Variants in ADGB observed in about 807,000 individuals in gnomAD.
ADGB encodes androglobin.
ADGB carries 172 observed loss-of-function variants against 210.5 expected under a neutral mutation model. The ratio of observed to expected loss-of-function variants is 0.82; its 90% CI spans 0.72 to 0.93. The LOEUF (loss-of-function observed/expected upper bound fraction) is 0.93. Ranked by LOEUF, ADGB falls within the 40% of genes least tolerant of loss-of-function variation. ADGB has a pLI of 0.00. For synonymous variants in ADGB, 658 were observed against 662.7 expected, an observed-to-expected ratio of 0.99 and a Z score of 0.11; for missense variants, 2,025 against 1,964.8, an observed-to-expected ratio of 1.03 and a Z score of -0.58.
At chr6:146,689,914 AT>A (rs1776278567) in intron 10 of ADGB, among the ~76,000 whole-genome samples, 1 of 152,108 alleles carries the variant, frequency 6.6e-6, no homozygotes, top group Admixed American at 6.6e-5. Context: ...GTTTTCTGAA[AT>A]TTTTTAGTTA....
At position 146,644,861 on chromosome 6, in the gene ADGB, G is replaced by T; in HGVS notation, c.326G>T (p.Ser109Ile). Residue 109 changes from serine to isoleucine, a missense_variant, in exon 3 of 36, where the codon AGT becomes ATT. Physicochemically the swap from Ser to Ile is moderately radical, Grantham distance 142. Transcript: ENST00000397944. The part of the protein sequence containing the change: ...SWKRPQDILF[S>I]QTPVVVKNEI... ...AAACGTCCACAAGATATTTTATTTA[G>T]TCAGGTAAGAAAGTTTTTTCTATTA... 1 of 1,470,776 alleles carries T rather than the reference G, an allele frequency of 6.8e-7. No individual in the cohort carries two copies. The highest frequency in any genetic ancestry group is 9.0e-7 in the Non-Finnish European group (1 of 1,108,382). The allele number at this position is 1,470,776 out of a possible 1,614,324, so 91.1% of individuals were successfully genotyped here. A position where few individuals can be genotyped will look rare whatever the true frequency, so the allele number is the denominator to read the frequency against.
chr6:146,635,570 T>C (rs1775406267), intron 2 of ADGB, 33 bp downstream of exon 2: 2 of 1,465,348 alleles, frequency 1.4e-6, no homozygotes, highest in Non-Finnish European at 1.8e-6. Context: ...AGGTTTCATT[T>C]TGGTTTTTAA....
At chr6:146,807,992 G>GTTTTTTTTTTT (rs369961809) in intron 35 of ADGB, among the ~76,000 whole-genome samples, 2 of 103,160 alleles carry the variant, frequency 1.9e-5, no homozygotes, top group Non-Finnish European at 3.6e-5. Context: ...CTATGCTTCA[G>GTTTTTTTTTTT]TTTTTTTTTT....
chr6:146,680,318 C>A (rs1776141288), intron 9 of ADGB, among the ~76,000 whole-genome samples: 1 of 152,148 alleles, frequency 6.6e-6, no homozygotes, highest in Non-Finnish European at 1.5e-5. Flanking sequence ...ATGGACAGAG[C>A]AGGAGTATGT....
At chr6:146,625,795 A>AC (rs1209678805) in intron 1 of ADGB, among the ~76,000 whole-genome samples, 1 of 151,974 alleles carries the variant, frequency 6.6e-6, no homozygotes, top group Non-Finnish European at 1.5e-5. Flanking sequence ...TTTATAAATT[A>AC]CCCAGTCTTC....
chr6:146,673,197 T>C (rs186750424), intron 8 of ADGB, among the ~76,000 whole-genome samples: 29 of 152,338 alleles, frequency 1.9e-4, no homozygotes, highest in Admixed American at 1.8e-3. Flanking sequence ...GAAAGCATAC[T>C]TTTTAGGGGC....
chr6:146,651,488 C>G (rs1562264933), intron 3 of ADGB, among the ~76,000 whole-genome samples: 1 of 152,122 alleles, frequency 6.6e-6, no homozygotes, highest in African/African-American at 2.4e-5. Flanking sequence ...AATTTTTGCT[C>G]TGGGGGCTAA....
chr6:146,732,091 A>G (rs905843718), intron 20 of ADGB, among the ~76,000 whole-genome samples: 5 of 152,298 alleles, frequency 3.3e-5, no homozygotes, highest in Middle Eastern at 3.4e-3. Flanking sequence ...AATTTTATCA[A>G]TTCTATGTAT....
chr6:146,601,007 A>C (rs1780549195), intron 1 of ADGB, among the ~76,000 whole-genome samples: 1 of 151,974 alleles, frequency 6.6e-6, no homozygotes, highest in Non-Finnish European at 1.5e-5. Context: ...TGCACATTGA[A>C]GGCTCACAAC....
In ADGB at chr6:146,746,044, C is replaced by T. The variant is rs1007913597; in HGVS notation, c.3300C>T (p.Cys1100=). ...PLPCLSRDSP[C]NSFAIKEIRD... ...CATGCCTCTCTCGAGACTCTCCATG[C>T]AATTCCTTTGCCATAAAGGAAATCC... The change falls in exon 26 of 36, where the codon TGC becomes TGT. Residue 1100 remains cysteine (C), a synonymous_variant. Transcript: ENST00000397944. 6.4e-7 allele frequency: 1 copy of T among 1,551,132 alleles called. No individual in the cohort carries two copies. The highest frequency in any genetic ancestry group is 2.0e-5 in the Admixed American group (1 of 50,984).
chr6:146,635,863 T>C (rs1562260928), intron 2 of ADGB, among the ~76,000 whole-genome samples: 1 of 151,556 alleles, frequency 6.6e-6, no homozygotes, highest in Non-Finnish European at 1.5e-5. Context: ...TTATAAAGAG[T>C]GGTTAAGAAA....
intron 2 of ADGB, 56 bp from the exon 3 acceptor site, chr6:146,644,717 G>A: frequency 2.8e-6 from 3 of 1,061,944 alleles, no homozygotes; most frequent in Middle Eastern, 3.2e-4. Flanking sequence ...TATTAAAATT[G>A]TTTTTTTATT....
In ADGB at chr6:146,672,458, G is replaced by T. The variant is rs1186636252; in HGVS notation, c.1078G>T (p.Val360Phe). ...AAAGGCTCCTGAGAAAAGCGACAAAGTTCCAAAGGGTAAGATATTTTACAT... is the reference window on the plus strand; with the variant it reads ...AAAGGCTCCTGAGAAAAGCGACAAATTTCCAAAGGGTAAGATATTTTACAT... Reference protein sequence around the residue: ...TLKAPEKSDKVPKEKADARDI... With the variant: ...TLKAPEKSDKFPKEKADARDI... The change falls in exon 8 of 36, where the codon GTT becomes TTT. Residue 360 changes from valine (V) to phenylalanine (F), a missense_variant. Physicochemically the swap from Val to Phe is conservative, Grantham distance 50 (BLOSUM62 -1). Transcript: ENST00000397944. The T allele has an allele frequency of 1.3e-6, 2 of 1,540,970 alleles. No homozygotes were observed. The highest frequency in any genetic ancestry group is 1.7e-6 in the Non-Finnish European group (2 of 1,143,712).
In ADGB at chr6:146,637,300, G is replaced by A. The variant is rs143519897; in HGVS notation, c.237+1763G>A. Among the ~76,000 whole-genome samples, 290 of 152,096 alleles carry A rather than the reference G, an allele frequency of 1.9e-3. 5 individuals carry two copies. The highest frequency in any genetic ancestry group is 6.6e-3 in the African/African-American group (276 of 41,524). On this transcript the variant is annotated intron_variant, in intron 2 of 35. Coordinates refer to ENST00000397944, the MANE Select transcript of ADGB (RefSeq NM_024694.4). The stretch of plus-strand genomic sequence containing the variant: ...CAGTTTCTTGAGCTGGAGAGACAGA[G>A]GATATTGCCTAGGGCTGCTAAAGCA...
intron 8 of ADGB, 72 bp from the exon 9 acceptor site, chr6:146,676,241 C>CCA: frequency 1.1e-5 from 15 of 1,339,168 alleles, no homozygotes; most frequent in Non-Finnish European, 1.5e-5. Context: ...TTCTTTAAGA[C>CCA]AATGACTGAA....
intron 13 of ADGB, among the ~76,000 whole-genome samples, chr6:146,708,737 G>A (rs1562279827): frequency 1.3e-5 from 2 of 151,770 alleles, no homozygotes; most frequent in African/African-American, 4.8e-5. Flanking sequence ...CCTCTACCTG[G>A]ATATATATAA....
At position 146,812,935 on chromosome 6, in the gene ADGB, C is replaced by A. The variant is rs28722930; in HGVS notation, c.4819-2097C>A. Among the ~76,000 whole-genome samples the A allele has an allele frequency of 3.6e-3, 542 of 152,284 alleles. 3 individuals are homozygous for A. Among genetic ancestry groups the A allele is most frequent in the African/African-American group, 0.012 (510 of 41,550 alleles). Reference sequence around the variant, plus strand: ...GCTATTCATTTGGGAAAAGAATGGCCGTGTTGCATGACTCAGCCTCCAGGC... The same window carrying A: ...GCTATTCATTTGGGAAAAGAATGGCAGTGTTGCATGACTCAGCCTCCAGGC... On this transcript the variant is annotated intron_variant, in intron 35 of 35. Coordinates refer to ENST00000397944, the MANE Select transcript of ADGB (RefSeq NM_024694.4).
At chr6:146,654,533 G>A (rs1220883902) in intron 4 of ADGB, among the ~76,000 whole-genome samples, 1 of 151,726 alleles carries the variant, frequency 6.6e-6, no homozygotes, top group Non-Finnish European at 1.5e-5. Flanking sequence ...TAAATTTTTT[G>A]GTAGAGACGA....
chr6:146,616,727 A>T (rs1489178000), intron 1 of ADGB, among the ~76,000 whole-genome samples: 1 of 152,150 alleles, frequency 6.6e-6, no homozygotes, highest in Non-Finnish European at 1.5e-5. Context: ...TTTGTCAAAA[A>T]TGAGTTGGCT....
Sources: gnomAD v4.1 joint callset for allele counts (sites outside exome capture counted in the v4.1 genomes callset) on GRCh38, gnomAD v4.1.1 for gene constraint, MANE v1.5 for transcripts, NCBI Gene and HGNC (gene_info 2026-07-23, HGNC 2026-07-21) for gene names.